The following TTLL5 variants were observed in gnomAD, a reference collection of about 807,000 sequenced individuals.
The protein encoded by TTLL5 is tubulin tyrosine ligase like 5.
TTLL5 carries 132 observed loss-of-function variants against 168.4 expected under a neutral mutation model. The observed-to-expected ratio is 0.78, with a 90% confidence interval of 0.68 to 0.91. The LOEUF (loss-of-function observed/expected upper bound fraction) is 0.91, where lower values mean the gene tolerates loss of function less well. Ranked by LOEUF, TTLL5 falls within the 40% of genes least tolerant of loss-of-function variation. The probability of loss-of-function intolerance (pLI) is 0.00; values close to 1 mark genes in which losing one functional copy is unlikely to be tolerated. For missense variants in TTLL5, 1,545 were observed against 1,581.5 expected (o/e 0.98, Z 0.39); for synonymous variants, 546 against 558.6 (o/e 0.98, Z 0.32).
intron 31 of TTLL5, among the ~76,000 whole-genome samples, chr14:75,945,692 G>T (rs890087549): frequency 3.3e-5 from 5 of 152,138 alleles, no homozygotes; most frequent in Admixed American, 3.3e-4. Flanking sequence ...TCTAATTGGA[G>T]CTCTGGAAAG....
chr14:75,684,650 GT>G (rs1884897583), intron 5 of TTLL5: 1 of 152,174 alleles, frequency 6.6e-6, no homozygotes, highest in Admixed American at 6.5e-5. Context: ...TATATAAACA[GT>G]TATAGCCTTA....
intron 15 of TTLL5, among the ~76,000 whole-genome samples, chr14:75,739,466 T>C (rs79019276): frequency 6.6e-6 from 1 of 152,226 alleles, no homozygotes; most frequent in Non-Finnish European, 1.5e-5. Flanking sequence ...TTTCTGTTGC[T>C]GTCAGATTGT....
At chr14:75,776,092 G>T (rs182727818) in intron 22 of TTLL5, among the ~76,000 whole-genome samples, 52 of 152,284 alleles carry the variant, frequency 3.4e-4, no homozygotes, top group African/African-American at 1.2e-3. Context: ...TATTTAATTA[G>T]AATATTTTGC....
intron 18 of TTLL5, among the ~76,000 whole-genome samples, chr14:75,759,736 T>C (rs569603494): frequency 6.6e-6 from 1 of 152,216 alleles, no homozygotes; most frequent in African/African-American, 2.4e-5. Context: ...AAATTAGTCA[T>C]TGAAATTCAC....
intron 7 of TTLL5, 49 bp from the exon 8 acceptor site, chr14:75,706,969 A>C: frequency 5.1e-5 from 71 of 1,399,922 alleles, no homozygotes; most frequent in Non-Finnish European, 6.5e-5. Context: ...ATTGTAAATT[A>C]GGATTCCTGT....
intron 31 of TTLL5, among the ~76,000 whole-genome samples, chr14:75,915,718 G>T (rs1409168526): frequency 2.0e-5 from 3 of 152,170 alleles, no homozygotes; most frequent in African/African-American, 7.2e-5. Context: ...AAGAAGATAT[G>T]CAAATAACTA....
intron 31 of TTLL5, among the ~76,000 whole-genome samples, chr14:75,921,136 G>C (rs2033810988): frequency 6.6e-6 from 1 of 152,176 alleles, no homozygotes; most frequent in Non-Finnish European, 1.5e-5. Context: ...CCCTTTGTCA[G>C]TTGGGTAGAT....
At chr14:75,872,345 ATTTGCTTTAGATATG>A (rs2031104210) in intron 29 of TTLL5, among the ~76,000 whole-genome samples, 1 of 152,224 alleles carries the variant, frequency 6.6e-6, no homozygotes, top group South Asian at 2.1e-4. Context: ...ATTTAAATAA[ATTTGCTTTAGATATG>A]TTTGCTTTAA....
intron 30 of TTLL5, chr14:75,886,844 C>G (rs1478648720): frequency 6.5e-7 from 1 of 1,526,742 alleles, no homozygotes; most frequent in East Asian, 2.4e-5. Context: ...GAATCATACT[C>G]TCCAGGAAAT....
chr14:75,777,143 A>G (rs914930412), intron 23 of TTLL5, among the ~76,000 whole-genome samples: 20 of 152,188 alleles, frequency 1.3e-4, no homozygotes, highest in African/African-American at 4.8e-4. Context: ...TGGCCTCTCC[A>G]TATCTTAGCC....
chr14:75,713,709 T>G lies in TTLL5; in HGVS notation c.741-4152T>G, dbSNP rs139394907. Among the ~76,000 whole-genome samples the G allele has an allele frequency of 4.0e-3, 614 of 152,232 alleles. 3 individuals are homozygous for G. Among genetic ancestry groups the G allele is most frequent in the East Asian group, 9.6e-3 (50 of 5,182 alleles). The stretch of plus-strand genomic sequence containing the variant: ...AGAGTGGAGACTGGAGAATGGAGAG[T>G]ACATGTCTCATCTAAAGGCATTTAC... On this transcript the variant is annotated intron_variant, in intron 9 of 31. Coordinates refer to ENST00000298832, the MANE Select transcript of TTLL5 (RefSeq NM_015072.5).
intron 28 of TTLL5, among the ~76,000 whole-genome samples, chr14:75,827,795 C>G (rs955372897): frequency 7.5e-6 from 1 of 133,324 alleles, no homozygotes; most frequent in African/African-American, 2.8e-5. Context: ...TCACAGCTCA[C>G]TGCAGCCTCT....
intron 27 of TTLL5, among the ~76,000 whole-genome samples, chr14:75,813,655 T>C (rs989703850): frequency 1.3e-5 from 2 of 152,120 alleles, no homozygotes; most frequent in Admixed American, 6.5e-5. Context: ...TTTGTTGTTA[T>C]TATTACTGTA....
intron 29 of TTLL5, among the ~76,000 whole-genome samples, chr14:75,871,756 A>G (rs996732381): frequency 1.3e-5 from 2 of 152,234 alleles, no homozygotes; most frequent in Non-Finnish European, 2.9e-5. Flanking sequence ...CAATCCATCC[A>G]TCTGAGATGG....
chr14:75,792,838 T>C (rs1892801790), intron 26 of TTLL5, 78 bp from the exon 27 acceptor site: 1 of 1,332,130 alleles, frequency 7.5e-7, no homozygotes, highest in Non-Finnish European at 1.0e-6. Context: ...TCTGTTGACC[T>C]GAGATTTCTG....
At chr14:75,677,829 G>A (rs969882413) in intron 3 of TTLL5, among the ~76,000 whole-genome samples, 8 of 150,132 alleles carry the variant, frequency 5.3e-5, no homozygotes, top group Admixed American at 4.6e-4. Flanking sequence ...ACGAGGTCTC[G>A]CTATGTTGCC....
intron 31 of TTLL5, among the ~76,000 whole-genome samples, chr14:75,917,941 A>C (rs547225702): frequency 6.6e-6 from 1 of 152,314 alleles, no homozygotes; most frequent in East Asian, 1.9e-4. Context: ...CATGTCAAAA[A>C]GTCTGGAGAC....
At chr14:75,839,584 T>A (rs916095604) in intron 28 of TTLL5, among the ~76,000 whole-genome samples, 5 of 152,122 alleles carry the variant, frequency 3.3e-5, no homozygotes, top group African/African-American at 1.2e-4. Context: ...GCAGGGGAAA[T>A]GCCAGATGCT....
intron 31 of TTLL5, among the ~76,000 whole-genome samples, chr14:75,932,764 C>T (rs761561864): frequency 2.0e-5 from 3 of 151,510 alleles, no homozygotes; most frequent in Non-Finnish European, 4.4e-5. Flanking sequence ...TTTTTAATGC[C>T]TGTGTGTGTG....
Sources: gnomAD v4.1 joint callset for allele counts (sites outside exome capture counted in the v4.1 genomes callset) on GRCh38, gnomAD v4.1.1 for gene constraint, MANE v1.5 for transcripts, NCBI Gene and HGNC (gene_info 2026-07-23, HGNC 2026-07-21) for gene names.